The following GFRA1 variants were observed in gnomAD, a reference collection of about 807,000 sequenced individuals.
GFRA1 encodes the protein GDNF family receptor alpha-1.
Under a neutral mutation model 51.6 loss-of-function variants are expected in GFRA1, and 16 were observed. The observed-to-expected ratio is 0.31, with a 90% CI of 0.21 to 0.47. GFRA1 has a LOEUF of 0.47. GFRA1 is among the 20% of genes least tolerant of loss of function. GFRA1 has a pLI of 1.00. For synonymous variants in GFRA1, 270 were observed against 241.3 expected (o/e 1.12, Z -1.10); for missense variants, 530 against 594.3 (o/e 0.89, Z 1.13).
Position 116,062,444 on chromosome 10 carries a change from T to C in GFRA1, c.*1954A>G, listed in dbSNP as rs2133748735. 8.0e-6 allele frequency: 2 copies of C among 251,190 alleles called. No homozygotes were observed. The highest frequency in any genetic ancestry group is 1.2e-3 in the Middle Eastern group (1 of 822). The allele number at this position is 251,190 out of a possible 1,614,324, so 15.6% of individuals were successfully genotyped here. On this transcript the variant is annotated 3_prime_UTR_variant, in exon 11 of 11. Transcript: ENST00000355422. ...AACATTTTGAAGTGAAAAAAGTCAGTACTGAGTACTGTACATTTGTGTTGA... is the reference window on the plus strand; with the variant it reads ...AACATTTTGAAGTGAAAAAAGTCAGCACTGAGTACTGTACATTTGTGTTGA...
intron 6 of GFRA1, among the ~76,000 whole-genome samples, chr10:116,113,529 A>T (rs941670532): frequency 6.6e-6 from 1 of 152,212 alleles, no homozygotes; most frequent in Admixed American, 6.5e-5. Context: ...TTTTAACATA[A>T]ATAAGAAGTA....
At chr10:116,197,819 G>C (rs1334885643) in intron 5 of GFRA1, among the ~76,000 whole-genome samples, 1 of 152,198 alleles carries the variant, frequency 6.6e-6, no homozygotes, top group Non-Finnish European at 1.5e-5. Context: ...ACTGCCTAAT[G>C]AAGAGTGGCC....
intron 5 of GFRA1, among the ~76,000 whole-genome samples, chr10:116,175,075 C>T (rs956900991): frequency 5.3e-5 from 8 of 152,264 alleles, no homozygotes; most frequent in East Asian, 1.9e-4. Flanking sequence ...CCGTGTGTTG[C>T]GGCTTCTTTC....
intron 4 of GFRA1, among the ~76,000 whole-genome samples, chr10:116,245,374 T>C (rs1967780743): frequency 6.6e-6 from 1 of 152,078 alleles, no homozygotes; most frequent in Non-Finnish European, 1.5e-5. Flanking sequence ...AAAACAACCA[T>C]GAGATACCCC....
chr10:116,161,147 G>A (rs1959737706), intron 5 of GFRA1, among the ~76,000 whole-genome samples: 1 of 152,170 alleles, frequency 6.6e-6, no homozygotes, highest in Admixed American at 6.5e-5. Context: ...ATCTTTGAGG[G>A]TGACTGGATA....
At chr10:116,074,177 CAG>C (rs1955521064) in intron 9 of GFRA1, among the ~76,000 whole-genome samples, 1 of 152,072 alleles carries the variant, frequency 6.6e-6, no homozygotes, top group Non-Finnish European at 1.5e-5. Flanking sequence ...GGGTCAGAAA[CAG>C]GGGTTCCGAG....
intron 4 of GFRA1, among the ~76,000 whole-genome samples, chr10:116,252,638 C>A (rs1437238578): frequency 6.6e-6 from 1 of 152,184 alleles, no homozygotes; most frequent in Admixed American, 6.5e-5. Flanking sequence ...CACTTCCGCC[C>A]TGGAAAGCTG....
At chr10:116,211,252 A>C (rs1965170668) in intron 5 of GFRA1, among the ~76,000 whole-genome samples, 1 of 152,232 alleles carries the variant, frequency 6.6e-6, no homozygotes, top group Admixed American at 6.5e-5. Context: ...AAGGAGCAGC[A>C]GCTGAGCCGG....
intron 9 of GFRA1, among the ~76,000 whole-genome samples, chr10:116,082,529 A>G (rs1955896225): frequency 6.6e-6 from 1 of 151,890 alleles, no homozygotes; most frequent in Admixed American, 6.6e-5. Flanking sequence ...CTAGAGTGCA[A>G]GAGCGTAATG....
chr10:116,105,802 C>G (rs534115622), intron 6 of GFRA1, among the ~76,000 whole-genome samples: 1 of 152,138 alleles, frequency 6.6e-6, no homozygotes, highest in Non-Finnish European at 1.5e-5. Flanking sequence ...AAATTAAAAA[C>G]AAGATAGATG....
rs546731444 is a variant in GFRA1, at chr10:116,175,038, C to A, written c.433+36593G>T. ...TCCTTGCTCCCTCTTTCGTAGGACT[C>A]AAAATGAAATCTCACTCAGGCATAC... On this transcript the variant is annotated intron_variant, in intron 5 of 10. Transcript: ENST00000355422. Among the ~76,000 whole-genome samples, 9 of 152,264 alleles carry A rather than the reference C, an allele frequency of 5.9e-5. No individual in the cohort carries two copies. In the South Asian group the frequency reaches 1.9e-3, roughly 32 times the overall value.
chr10:116,081,649 C>A (rs1053244062), intron 9 of GFRA1, among the ~76,000 whole-genome samples: 1 of 152,066 alleles, frequency 6.6e-6, no homozygotes, highest in East Asian at 1.9e-4. Flanking sequence ...GGAGGCACTG[C>A]GTATGCATTT....
At chr10:116,197,642 G>A (rs1963994826) in intron 5 of GFRA1, among the ~76,000 whole-genome samples, 1 of 152,144 alleles carries the variant, frequency 6.6e-6, no homozygotes. Context: ...TCCAAATGAG[G>A]TCACGTTCTG....
chr10:116,090,230 G>T (rs1956274850), intron 8 of GFRA1, among the ~76,000 whole-genome samples: 1 of 151,998 alleles, frequency 6.6e-6, no homozygotes, highest in Non-Finnish European at 1.5e-5. Context: ...ATATCCATCA[G>T]TCAAGCCCTT....
chr10:116,124,579 A>T (rs1289782798), intron 6 of GFRA1, among the ~76,000 whole-genome samples: 2 of 152,164 alleles, frequency 1.3e-5, no homozygotes, highest in Non-Finnish European at 1.5e-5. Flanking sequence ...ACTCCTTCAG[A>T]TATCAAAGTA....
At position 116,225,272 on chromosome 10, in the gene GFRA1, C is replaced by T. The variant is rs573626475; in HGVS notation, c.419-13627G>A. On this transcript the variant is annotated intron_variant, in intron 4 of 10. Transcript: ENST00000355422. ...TATTTTGGGGCCAGGCGTGGTGGCT[C>T]ACACCTGTAATCCCAGCACTTTGGG... Among the ~76,000 whole-genome samples the T allele has an allele frequency of 1.7e-3, 262 of 152,130 alleles. 4 individuals are homozygous for T. The South Asian group carries it at 0.023, about 13-fold the overall frequency.
rs1565625389 is a variant in GFRA1 at position 116,170,506 on chromosome 10, C to T, written c.433+41125G>A. 3.3e-5 allele frequency among the ~76,000 whole-genome samples: 5 copies of T among 152,254 alleles called. No homozygotes were observed. In the South Asian group the frequency reaches 1.0e-3, roughly 32 times the overall value. ...TGGACCAAACCAAAGGAAACCTGTA[C>T]CCTATTTGTTACTAAGTAATGGAGC... On this transcript the variant is annotated intron_variant, in intron 5 of 10. Transcript: ENST00000355422.
At position 116,229,586 on chromosome 10, in the gene GFRA1, C is replaced by T. The variant is rs183145654; in HGVS notation, c.419-17941G>A. On this transcript the variant is annotated intron_variant, in intron 4 of 10. Coordinates refer to ENST00000355422, the MANE Select transcript of GFRA1 (RefSeq NM_005264.8). Reference sequence around the variant, plus strand: ...TTCCTAAGAGTGCAACCCTTCCCACCCCTCCTTAGGAGCTGCATGATGTTC... The same window carrying T: ...TTCCTAAGAGTGCAACCCTTCCCACTCCTCCTTAGGAGCTGCATGATGTTC... Among the ~76,000 whole-genome samples the T allele has an allele frequency of 1.0e-3, 152 of 152,232 alleles. 2 individuals are homozygous for T. Among genetic ancestry groups the T allele is most frequent in the East Asian group, 3.9e-4 (2 of 5,170 alleles).
chr10:116,205,596 GAT>G (rs140642664), intron 5 of GFRA1, among the ~76,000 whole-genome samples: 30,731 of 138,500 alleles, frequency 0.22, 3,975 homozygotes, highest in East Asian at 0.35. Context: ...AAAAAAAAAA[GAT>G]ATATATATAT....
Sources: allele counts gnomAD v4.1 joint callset (sites outside exome capture counted in the v4.1 genomes callset), GRCh38; gene constraint gnomAD v4.1.1; transcripts MANE v1.5; gene names NCBI Gene and HGNC (gene_info 2026-07-23, HGNC 2026-07-21).